The following TENM2 variants were observed in gnomAD, a reference collection of about 807,000 sequenced individuals.
TENM2 encodes teneurin-2.
A neutral mutation model predicts 245.2 loss-of-function variants in TENM2; 52 were observed. The observed-to-expected ratio is 0.21, with a 90% CI of 0.17 to 0.27. TENM2 has a LOEUF of 0.27. Among genes scored for constraint, TENM2 ranks in the 10% least tolerant of loss-of-function variants. The pLI is 1.00. For missense variants in TENM2, 3,046 were observed against 3,666.8 expected (o/e 0.83, Z 4.37); for synonymous variants, 1,363 against 1,438.9 (o/e 0.95, Z 1.19).
chr5:168,052,173 C>T (rs945198488), intron 6 of TENM2, among the ~76,000 whole-genome samples: 1 of 151,946 alleles, frequency 6.6e-6, no homozygotes, highest in African/African-American at 2.4e-5. Context: ...CGATCACGAG[C>T]TCAGGAGATC....
At chr5:167,846,395 C>A (rs940727265) in intron 2 of TENM2, among the ~76,000 whole-genome samples, 2 of 152,198 alleles carry the variant, frequency 1.3e-5, no homozygotes, top group African/African-American at 4.8e-5. Flanking sequence ...TTCACTGTGC[C>A]TGAATGGCAA....
In TENM2 at chr5:168,218,950, G is replaced by A; in HGVS notation, c.5059G>A (p.Gly1687Arg). The change falls in exon 23 of 29, where the codon GGG becomes AGG. Residue 1687 changes from glycine to arginine, a missense_variant. By Grantham distance (125) the Gly-to-Arg change is moderately radical. Around this residue, in one of 2 missense-constraint regions of TENM2, gnomAD observed 2,704 missense variants for 3,331.9 expected, o/e 0.81. Transcript: ENST00000518659. This position sits in a 1 kb window ranked among gnomAD's most constrained non-coding sequence, Gnocchi z 5.2. ...TCTCATGACCTATGATGGCAACACT[G>A]GGCTCCTGGCCACCAAGAGCGATGA... 6.2e-7 allele frequency: 1 copy of A among 1,613,962 alleles called. No homozygotes were observed. The highest frequency in any genetic ancestry group is 8.5e-7 in the Non-Finnish European group (1 of 1,179,872).
chr5:167,977,487 T>G (rs1782529037), intron 4 of TENM2, among the ~76,000 whole-genome samples: 1 of 152,194 alleles, frequency 6.6e-6, no homozygotes. Flanking sequence ...ATCGATAGCT[T>G]TCCTAGAATA....
At chr5:167,719,884 G>A (rs1267770998) in intron 2 of TENM2, among the ~76,000 whole-genome samples, 1 of 152,092 alleles carries the variant, frequency 6.6e-6, no homozygotes, top group Non-Finnish European at 1.5e-5. Flanking sequence ...TAATTACCTG[G>A]CCCAGGTGTC....
intron 2 of TENM2, among the ~76,000 whole-genome samples, chr5:167,761,968 G>T (rs1762701262): frequency 6.6e-6 from 1 of 152,206 alleles, no homozygotes; most frequent in Non-Finnish European, 1.5e-5. Flanking sequence ...CAACCAACGA[G>T]CTAGGAGTGC....
chr5:168,186,642 C>T (rs568657939), intron 13 of TENM2: 1 of 152,144 alleles, frequency 6.6e-6, no homozygotes, highest in Non-Finnish European at 1.5e-5. Flanking sequence ...ATCCTCACCC[C>T]CTTCCCCAGG....
At chr5:167,431,937 A>G (rs371834937) in intron 2 of TENM2, among the ~76,000 whole-genome samples, 48 of 83,358 alleles carry the variant, frequency 5.8e-4, no homozygotes, top group Non-Finnish European at 1.1e-3. Flanking sequence ...ACATATATAT[A>G]TACATATATA....
chr5:167,767,278 A>C (rs907407747), intron 2 of TENM2, among the ~76,000 whole-genome samples: 1 of 152,240 alleles, frequency 6.6e-6, no homozygotes, highest in Admixed American at 6.5e-5. Context: ...ATATTATGCC[A>C]ATTGAAAAAA....
the TENM2 span, among the ~76,000 whole-genome samples, chr5:167,203,822 A>C: frequency 6.6e-6 from 1 of 152,068 alleles, no homozygotes; most frequent in Non-Finnish European, 1.5e-5. Flanking sequence ...TCTATTGAAT[A>C]GATGAAAACA....
the TENM2 span, among the ~76,000 whole-genome samples, chr5:167,003,851 T>C: frequency 1.3e-5 from 2 of 152,184 alleles, no homozygotes; most frequent in Non-Finnish European, 2.9e-5. Flanking sequence ...TTTCAGACGG[T>C]TCATTATTCA....
intron 2 of TENM2, among the ~76,000 whole-genome samples, chr5:167,630,986 T>C (rs1383726830): frequency 2.0e-5 from 3 of 152,214 alleles, no homozygotes; most frequent in Non-Finnish European, 4.4e-5. Flanking sequence ...TCCTCTATTG[T>C]AGGATATATG....
chr5:167,420,417 G>T (rs1763433736), intron 2 of TENM2, among the ~76,000 whole-genome samples: 1 of 152,086 alleles, frequency 6.6e-6, no homozygotes, highest in African/African-American at 2.4e-5. Context: ...AAGTGGAGTG[G>T]AGTGGGCTTT....
At chr5:168,196,582 C>T (rs775321992) in intron 15 of TENM2, among the ~76,000 whole-genome samples, 15 of 152,338 alleles carry the variant, frequency 9.8e-5, no homozygotes, top group Non-Finnish European at 1.6e-4. Flanking sequence ...CTGCCTCAGC[C>T]TCCCGAGTAG....
At chr5:167,227,091 T>G in the TENM2 span, among the ~76,000 whole-genome samples, 2 of 108,274 alleles carry the variant, frequency 1.8e-5, no homozygotes, top group Non-Finnish European at 3.7e-5. Flanking sequence ...GCATTTCTTG[T>G]AGACAGCATA....
At chr5:167,050,633 A>G in the TENM2 span, among the ~76,000 whole-genome samples, 1 of 152,116 alleles carries the variant, frequency 6.6e-6, no homozygotes, top group Non-Finnish European at 1.5e-5. Flanking sequence ...GAGACAAATT[A>G]TTGAGGTCAT....
At chr5:167,128,710 A>G in the TENM2 span, among the ~76,000 whole-genome samples, 2 of 152,128 alleles carry the variant, frequency 1.3e-5, no homozygotes, top group African/African-American at 4.8e-5. Flanking sequence ...CAGCCTATTC[A>G]CTTCTACAGC....
intron 2 of TENM2, among the ~76,000 whole-genome samples, chr5:167,826,325 C>G (rs1372920331): frequency 1.3e-5 from 2 of 152,216 alleles, no homozygotes; most frequent in Admixed American, 6.5e-5. Flanking sequence ...TGCTGCATTT[C>G]TATTTCTTCC....
At chr5:167,165,758 A>G in the TENM2 span, among the ~76,000 whole-genome samples, 1 of 152,228 alleles carries the variant, frequency 6.6e-6, no homozygotes, top group South Asian at 2.1e-4. Flanking sequence ...CACCATTGTC[A>G]GTGAAGATAA....
At chr5:167,141,340 G>C in the TENM2 span, among the ~76,000 whole-genome samples, 1 of 152,192 alleles carries the variant, frequency 6.6e-6, no homozygotes, top group East Asian at 1.9e-4. Flanking sequence ...GGAAATGATT[G>C]TGTAGGGCTT....
Sources: gnomAD v4.1 joint callset for allele counts (sites outside exome capture counted in the v4.1 genomes callset) on GRCh38, gnomAD v4.1.1 for gene constraint, gnomAD v4.1.1 regional missense constraint, Gnocchi (gnomAD v3.1) non-coding constraint, MANE v1.5 for transcripts, NCBI Gene and HGNC (gene_info 2026-07-23, HGNC 2026-07-21) for gene names.